The following ZSWIM6 variants were observed in gnomAD, a reference collection of about 807,000 sequenced individuals.
The protein encoded by ZSWIM6 is zinc finger SWIM-type containing 6.
A neutral mutation model predicts 113.2 loss-of-function variants in ZSWIM6; 9 were observed. The ratio of observed to expected loss-of-function variants is 0.08; its 90% confidence interval spans 0.05 to 0.14. The LOEUF (loss-of-function observed/expected upper bound fraction) is 0.14, where lower values mean the gene tolerates loss of function less well. Ranked by LOEUF, ZSWIM6 falls within the 10% of genes least tolerant of loss-of-function variation. ZSWIM6 has a pLI of 1.00. For synonymous variants in ZSWIM6, 611 were observed against 606.5 expected, an observed-to-expected ratio of 1.01 and a Z score of -0.11; for missense variants, 1,162 against 1,552.2, an observed-to-expected ratio of 0.75 and a Z score of 4.22.
At chr5:61,424,267 CA>C (rs1746418261) in intron 1 of ZSWIM6, among the ~76,000 whole-genome samples, 1 of 152,090 alleles carries the variant, frequency 6.6e-6, no homozygotes, top group South Asian at 2.1e-4. Context: ...AACTATTTAC[CA>C]GAGATGATGT....
chr5:61,473,124 A>G, intron 2 of ZSWIM6, 87 bp downstream of exon 2: 2 of 859,248 alleles, frequency 2.3e-6, no homozygotes, highest in East Asian at 5.5e-5. Context: ...AGTGAATTAA[A>G]TGTGAAATAG....
At chr5:61,477,808 C>T (rs1747743443) in intron 2 of ZSWIM6, among the ~76,000 whole-genome samples, 1 of 152,172 alleles carries the variant, frequency 6.6e-6, no homozygotes, top group South Asian at 2.1e-4. Context: ...CTTCTCTAAG[C>T]ACAATACTTA....
chr5:61,468,019 A>C (rs904002532), intron 1 of ZSWIM6, among the ~76,000 whole-genome samples: 7 of 152,222 alleles, frequency 4.6e-5, no homozygotes, highest in African/African-American at 9.6e-5. Flanking sequence ...TGGGAAGGGA[A>C]GGAAAGGGAA....
intron 1 of ZSWIM6, among the ~76,000 whole-genome samples, chr5:61,410,522 A>G (rs1374174155): frequency 6.6e-6 from 1 of 151,670 alleles, no homozygotes; most frequent in Non-Finnish European, 1.5e-5. Flanking sequence ...GTTGGCCAGG[A>G]TGGTCTCGAT....
At position 61,545,024 on chromosome 5, in the gene ZSWIM6, A is replaced by G. The variant is rs1208209314; in HGVS notation, c.*707A>G. 6.6e-6 allele frequency: 1 copy of G among 151,962 alleles called. No homozygotes were observed. The highest frequency in any genetic ancestry group is 1.5e-5 in the Non-Finnish European group (1 of 68,010). 9.4% of individuals were successfully genotyped at this position (151,962 alleles called of 1,614,324 possible). A position where few individuals can be genotyped will look rare whatever the true frequency, so the allele number is the denominator to read the frequency against. On this transcript the variant is annotated 3_prime_UTR_variant, in exon 14 of 14. Transcript: ENST00000252744. ...TATAACATTAACTAATTTATAAAAA[A>G]TATTCTATGTAATGCAAAATACTTG... is the stretch of plus-strand genomic sequence containing the variant.
In ZSWIM6 at chr5:61,544,012, A is replaced by G; in HGVS notation, c.3343A>G (p.Thr1115Ala). The change falls in exon 14 of 14, where the codon ACT becomes GCT. Residue 1115 changes from threonine to alanine, a missense_variant. Physicochemically the swap from Thr to Ala is moderately conservative, Grantham distance 58. Coordinates refer to ENST00000252744, the MANE Select transcript of ZSWIM6 (RefSeq NM_020928.2). ...CATTTTGCGCAGATGCACTCTGACC[A>G]CTCCTGGCATGGTGGGACTTCATGG... ...SDILRRCTLT[T>A]PGMVGLHGRR... The G allele has an allele frequency of 1.9e-6, 3 of 1,551,888 alleles. No individual in the cohort carries two copies. The highest frequency in any genetic ancestry group is 2.6e-6 in the Non-Finnish European group (3 of 1,147,038).
chr5:61,464,442 A>G (rs368745783), intron 1 of ZSWIM6, among the ~76,000 whole-genome samples: 1 of 152,068 alleles, frequency 6.6e-6, no homozygotes, highest in East Asian at 1.9e-4. Flanking sequence ...AGTGTGTTCT[A>G]CCACGGCCTC....
intron 1 of ZSWIM6, among the ~76,000 whole-genome samples, chr5:61,339,546 A>G (rs1319704093): frequency 6.6e-6 from 1 of 152,232 alleles, no homozygotes; most frequent in Non-Finnish European, 1.5e-5. Context: ...TTACATATAC[A>G]TATGATAAAA....
At chr5:61,363,184 C>T (rs1325106421) in intron 1 of ZSWIM6, among the ~76,000 whole-genome samples, 1 of 152,194 alleles carries the variant, frequency 6.6e-6, no homozygotes, top group East Asian at 1.9e-4. Flanking sequence ...GGTGTTTGAT[C>T]TGAACCCTCT....
intron 1 of ZSWIM6, among the ~76,000 whole-genome samples, chr5:61,447,162 A>G (rs1469469212): frequency 6.6e-6 from 1 of 152,134 alleles, no homozygotes; most frequent in Admixed American, 6.6e-5. Context: ...ATGGAACTCC[A>G]TCCTGCTTTC....
intron 2 of ZSWIM6, among the ~76,000 whole-genome samples, chr5:61,474,365 A>G (rs1747653987): frequency 6.6e-6 from 1 of 152,220 alleles, no homozygotes; most frequent in African/African-American, 2.4e-5. Flanking sequence ...ATATAACATG[A>G]GCCTTCCCAT....
intron 1 of ZSWIM6, among the ~76,000 whole-genome samples, chr5:61,409,191 A>G (rs983992313): frequency 6.6e-6 from 1 of 151,608 alleles, no homozygotes; most frequent in East Asian, 1.9e-4. Flanking sequence ...TCCAACTTCA[A>G]AGGCCATTTT....
rs2112012635 is a variant in ZSWIM6, at chr5:61,332,596, C to T, written c.324C>T (p.Arg108=). The T allele has an allele frequency of 7.5e-7, 1 of 1,336,066 alleles. No individual in the cohort carries two copies. Among genetic ancestry groups the T allele is most frequent in the Non-Finnish European group, 9.9e-7 (1 of 1,013,960 alleles). The allele number at this position is 1,336,066 out of a possible 1,614,324, so 82.8% of individuals were successfully genotyped here. ...FERIPEPVQR[R]IVYWSFPRSE... ...GCATCCCGGAGCCGGTGCAGCGCCG[C>T]ATAGTCTATTGGTCCTTCCCCCGCA... is the stretch of plus-strand genomic sequence containing the variant. The change falls in exon 1 of 14, where the codon CGC becomes CGT. Residue 108 remains arginine, a synonymous_variant. Transcript: ENST00000252744.
At chr5:61,473,693 A>G (rs1375160418) in intron 2 of ZSWIM6, among the ~76,000 whole-genome samples, 1 of 152,234 alleles carries the variant, frequency 6.6e-6, no homozygotes, top group Non-Finnish European at 1.5e-5. Flanking sequence ...GTACATTAAT[A>G]TAGGACAAGT....
chr5:61,346,432 G>A (rs1744660000), intron 1 of ZSWIM6, among the ~76,000 whole-genome samples: 2 of 152,148 alleles, frequency 1.3e-5, no homozygotes, highest in Admixed American at 1.3e-4. Context: ...GTGGCCTGGA[G>A]ATAGATTGTC....
chr5:61,348,872 A>G (rs1744724385), intron 1 of ZSWIM6, among the ~76,000 whole-genome samples: 1 of 152,138 alleles, frequency 6.6e-6, no homozygotes, highest in Admixed American at 6.5e-5. Context: ...TGTGGGTAGA[A>G]CAATCCCTTC....
intron 1 of ZSWIM6, among the ~76,000 whole-genome samples, chr5:61,368,784 C>T (rs1745209635): frequency 6.6e-6 from 1 of 152,180 alleles, no homozygotes; most frequent in Non-Finnish European, 1.5e-5. Context: ...AGTCAGCTCT[C>T]TGATGGAGAT....
At chr5:61,458,704 C>T (rs956077369) in intron 1 of ZSWIM6, among the ~76,000 whole-genome samples, 2 of 151,846 alleles carry the variant, frequency 1.3e-5, no homozygotes, top group African/African-American at 4.8e-5. Context: ...ATGGAGAAAC[C>T]CCGTCTCTAC....
chr5:61,394,752 A>G (rs1446968557), intron 1 of ZSWIM6, among the ~76,000 whole-genome samples: 1 of 152,202 alleles, frequency 6.6e-6, no homozygotes, highest in Non-Finnish European at 1.5e-5. Flanking sequence ...AGGAGGGGGT[A>G]TGGAAAGGCA....
Sources: allele counts gnomAD v4.1 joint callset (sites outside exome capture counted in the v4.1 genomes callset), GRCh38; gene constraint gnomAD v4.1.1; transcripts MANE v1.5; gene names NCBI Gene and HGNC (gene_info 2026-07-23, HGNC 2026-07-21).